WDR25: variants seen among roughly 807,000 people sequenced by gnomAD.
WDR25 encodes the protein WD repeat-containing protein 25.
A neutral mutation model predicts 47.7 loss-of-function variants in WDR25; 35 were observed. The ratio of observed to expected loss-of-function variants is 0.73; its 90% confidence interval spans 0.56 to 0.97. The LOEUF (loss-of-function observed/expected upper bound fraction) is 0.97, where lower values mean the gene tolerates loss of function less well. Ranked by LOEUF, WDR25 falls within the 50% of genes least tolerant of loss-of-function variation. The pLI is 0.00. For missense variants in WDR25, 634 were observed against 704.7 expected, an observed-to-expected ratio of 0.90 and a Z score of 1.14; for synonymous variants, 248 against 278.9, an observed-to-expected ratio of 0.89 and a Z score of 1.10.
intron 1 of WDR25, chr14:100,376,884 C>A: frequency 1.8e-6 from 1 of 551,502 alleles, no homozygotes; most frequent in Non-Finnish European, 2.5e-6. Flanking sequence ...CCCTCCCACC[C>A]GTTTGCATTC....
intron 2 of WDR25, among the ~76,000 whole-genome samples, chr14:100,433,670 C>A (rs575706386): frequency 2.6e-5 from 4 of 152,122 alleles, no homozygotes; most frequent in Non-Finnish European, 5.9e-5. Flanking sequence ...CATTCCCCCC[C>A]CATTAGTCTG....
At chr14:100,521,177 T>G (rs963669674) in intron 4 of WDR25, among the ~76,000 whole-genome samples, 1 of 141,614 alleles carries the variant, frequency 7.1e-6, no homozygotes, top group African/African-American at 3.0e-5. Context: ...GACACACACA[T>G]AGACACACAC....
At position 100,493,991 on chromosome 14, in the gene WDR25, C is replaced by A. The variant is rs548010837; in HGVS notation, c.1101+9867C>A. ...ACCAGATCTGTCTCTGTTGAGATAT[C>A]CTCAAGCTCAAAGATTCTTTCCTCA... On this transcript the variant is annotated intron_variant, in intron 4 of 6. Coordinates refer to ENST00000402312, the MANE Select transcript of WDR25 (RefSeq NM_001161476.3). Among the ~76,000 whole-genome samples the A allele has an allele frequency of 2.0e-5, 3 of 152,346 alleles. No homozygotes were observed. In the East Asian group the frequency reaches 5.8e-4, roughly 29 times the overall value.
At chr14:100,390,107 A>G (rs1321862195) in intron 2 of WDR25, among the ~76,000 whole-genome samples, 1 of 152,174 alleles carries the variant, frequency 6.6e-6, no homozygotes, top group Non-Finnish European at 1.5e-5. Context: ...AGAATAATAT[A>G]TATTCAGGGA....
At chr14:100,489,873 A>G (rs1027493520) in intron 4 of WDR25, among the ~76,000 whole-genome samples, 8 of 152,222 alleles carry the variant, frequency 5.3e-5, no homozygotes, top group African/African-American at 1.9e-4. Flanking sequence ...TGGGACTCTC[A>G]TGATAAAACC....
intron 2 of WDR25, among the ~76,000 whole-genome samples, chr14:100,464,725 TCCCCTACTC>T (rs201547048): frequency 1.0e-5 from 1 of 97,532 alleles, no homozygotes; most frequent in Non-Finnish European, 2.0e-5. Context: ...CCATCTCATC[TCCCCTACTC>T]CATCTCATCT....
At chr14:100,526,173 G>A in intron 5 of WDR25, 133 bp downstream of exon 5, 1 of 1,157,446 alleles carries the variant, frequency 8.6e-7, no homozygotes, top group Non-Finnish European at 1.2e-6. Flanking sequence ...GATGAGGGTA[G>A]TCAGGTCTCA....
At chr14:100,477,081 G>T (rs1456139059) in intron 3 of WDR25, among the ~76,000 whole-genome samples, 1 of 152,144 alleles carries the variant, frequency 6.6e-6, no homozygotes, top group African/African-American at 2.4e-5. Context: ...TGGACAGGTG[G>T]TGCTGCCCCG....
chr14:100,380,598 G>A (rs773602794), intron 1 of WDR25, among the ~76,000 whole-genome samples: 10 of 150,820 alleles, frequency 6.6e-5, no homozygotes, highest in Non-Finnish European at 1.2e-4. Context: ...AGGTTCAAGC[G>A]ATCTCCTGCC....
At position 100,438,186 on chromosome 14, in the gene WDR25, G is replaced by T. The variant is rs1898558993; in HGVS notation, c.823-29835G>T. ...ATGAAGTGTAATTTGGAGAAGATTTGCAAAGACAGGCACGTAGTGAAATAA... is the reference window on the plus strand; with the variant it reads ...ATGAAGTGTAATTTGGAGAAGATTTTCAAAGACAGGCACGTAGTGAAATAA... On this transcript the variant is annotated intron_variant, in intron 2 of 6. Transcript: ENST00000402312. Among the ~76,000 whole-genome samples the T allele has an allele frequency of 2.0e-5, 3 of 152,208 alleles. No individual in the cohort carries two copies. In the South Asian group the frequency reaches 6.2e-4, roughly 31 times the overall value.
intron 3 of WDR25, among the ~76,000 whole-genome samples, chr14:100,478,825 T>C (rs1900105852): frequency 6.6e-6 from 1 of 152,244 alleles, no homozygotes; most frequent in South Asian, 2.1e-4. Context: ...GGCAAGACTG[T>C]ATCACTGCAC....
At chr14:100,524,780 G>A (rs911094259) in intron 4 of WDR25, among the ~76,000 whole-genome samples, 2 of 152,150 alleles carry the variant, frequency 1.3e-5, no homozygotes, top group African/African-American at 2.4e-5. Context: ...GAGCAAATCC[G>A]TACCTCTTCC....
intron 4 of WDR25, among the ~76,000 whole-genome samples, chr14:100,496,732 A>G (rs184905447): frequency 6.6e-6 from 1 of 151,642 alleles, no homozygotes; most frequent in Admixed American, 6.6e-5. Context: ...TTTCTCTTTG[A>G]CATGTGGGCT....
At chr14:100,416,987 G>C (rs1897887089) in intron 2 of WDR25, among the ~76,000 whole-genome samples, 1 of 152,230 alleles carries the variant, frequency 6.6e-6, no homozygotes, top group African/African-American at 2.4e-5. Flanking sequence ...CCAGGGGTGA[G>C]ATCTTGCGTG....
At chr14:100,377,536 C>T (rs1200133422) in intron 1 of WDR25, among the ~76,000 whole-genome samples, 2 of 152,018 alleles carry the variant, frequency 1.3e-5, no homozygotes, top group South Asian at 2.1e-4. Flanking sequence ...TCTTGAACCC[C>T]CGACCTCAGG....
At chr14:100,457,273 C>T (rs947147988) in intron 2 of WDR25, among the ~76,000 whole-genome samples, 4 of 152,124 alleles carry the variant, frequency 2.6e-5, no homozygotes, top group African/African-American at 7.2e-5. Context: ...CTTATAACTA[C>T]TGTTAAGGGG....
intron 3 of WDR25, among the ~76,000 whole-genome samples, chr14:100,470,974 T>G (rs763031476): frequency 6.6e-6 from 1 of 152,222 alleles, no homozygotes; most frequent in African/African-American, 2.4e-5. Context: ...AATTCAACTC[T>G]TGAAGGCCCC....
intron 2 of WDR25, among the ~76,000 whole-genome samples, chr14:100,423,939 A>G (rs967626539): frequency 6.6e-6 from 1 of 152,166 alleles, no homozygotes; most frequent in African/African-American, 2.4e-5. Flanking sequence ...TCCATACCTT[A>G]TGATGGGGCA....
chr14:100,395,399 T>A (rs1897235340), intron 2 of WDR25, among the ~76,000 whole-genome samples: 1 of 152,178 alleles, frequency 6.6e-6, no homozygotes, highest in African/African-American at 2.4e-5. Flanking sequence ...GTACCAGGCG[T>A]ATGGCAGGCA....
Sources: allele counts gnomAD v4.1 joint callset (sites outside exome capture counted in the v4.1 genomes callset), GRCh38; gene constraint gnomAD v4.1.1; transcripts MANE v1.5; gene names NCBI Gene and HGNC (gene_info 2026-07-23, HGNC 2026-07-21).